The following LGR5 variants were observed in gnomAD, a reference collection of about 807,000 sequenced individuals.
LGR5 encodes the protein leucine rich repeat containing G protein-coupled receptor 5, also known as leucine-rich repeat-containing G protein-coupled receptor 5.
LGR5 carries 54 observed loss-of-function variants against 76.7 expected under a neutral mutation model. The ratio of observed to expected loss-of-function variants is 0.70; its 90% CI spans 0.57 to 0.88. The LOEUF (loss-of-function observed/expected upper bound fraction) is 0.88. Ranked by LOEUF, LGR5 falls within the 40% of genes least tolerant of loss-of-function variation. LGR5 has a pLI of 0.00. For synonymous variants in LGR5, 406 were observed against 421.9 expected, an observed-to-expected ratio of 0.96 and a Z score of 0.46; for missense variants, 1,078 against 1,073.3, an observed-to-expected ratio of 1.00 and a Z score of -0.06.
chr12:71,512,726 G>A (rs1401899341), intron 2 of LGR5, among the ~76,000 whole-genome samples: 1 of 152,004 alleles, frequency 6.6e-6, no homozygotes, highest in East Asian at 1.9e-4. Flanking sequence ...AGCTGGTGAA[G>A]GACAAAAACA....
At chr12:71,520,986 A>G (rs1875701863) in intron 2 of LGR5, among the ~76,000 whole-genome samples, 1 of 152,242 alleles carries the variant, frequency 6.6e-6, no homozygotes, top group Non-Finnish European at 1.5e-5. Flanking sequence ...ATTTTACCAC[A>G]GTAAAAATAT....
intron 6 of LGR5, among the ~76,000 whole-genome samples, chr12:71,558,282 G>A (rs1877877459): frequency 6.6e-6 from 1 of 152,186 alleles, no homozygotes; most frequent in South Asian, 2.1e-4. Context: ...GGGCTTTGAT[G>A]GGTATTTCCA....
intron 3 of LGR5, among the ~76,000 whole-genome samples, chr12:71,534,049 G>A (rs1876460413): frequency 1.3e-5 from 2 of 152,194 alleles, no homozygotes; most frequent in Admixed American, 1.3e-4. Context: ...GAACCAGGCA[G>A]ATTGTTTCTG....
chr12:71,489,910 A>C (rs1873991197), intron 1 of LGR5, among the ~76,000 whole-genome samples: 1 of 152,118 alleles, frequency 6.6e-6, no homozygotes, highest in African/African-American at 2.4e-5. Context: ...AGAAAAAAGA[A>C]GAAGAAGAAG....
rs543642629 is a variant in LGR5, at chr12:71,511,422, C to A, written c.284+6737C>A. The stretch of plus-strand genomic sequence containing the variant: ...CTGGGGGTTAAACTCAGAAAACTGC[C>A]TTTAACAAGCTCTCCAGGTGATTCT... On this transcript the variant is annotated intron_variant, in intron 2 of 17. Coordinates refer to ENST00000266674, the MANE Select transcript of LGR5 (RefSeq NM_003667.4). 3.3e-5 allele frequency among the ~76,000 whole-genome samples: 5 copies of A among 152,314 alleles called. No homozygotes were observed. In the East Asian group the frequency reaches 7.7e-4, roughly 24 times the overall value.
In LGR5 at chr12:71,459,823, T is replaced by TATA. The variant is rs140445983; in HGVS notation, c.212+19537_212+19539dup. Among the ~76,000 whole-genome samples, 464 of 152,036 alleles carry TATA rather than the reference T, an allele frequency of 3.1e-3. 3 individuals are homozygous for TATA. Among genetic ancestry groups the TATA allele is most frequent in the African/African-American group, 0.01 (433 of 41,498 alleles). ...TAGAATAATTATTACTCCTATAAATTATAATAATTTATAATTATTGATATT... is the reference window on the plus strand; with the variant it reads ...TAGAATAATTATTACTCCTATAAATTATAATAATAATTTATAATTATTGATATT... On this transcript the variant is annotated intron_variant, in intron 1 of 17. Coordinates refer to ENST00000266674, the MANE Select transcript of LGR5 (RefSeq NM_003667.4).
At chr12:71,481,086 T>C (rs915123756) in intron 1 of LGR5, among the ~76,000 whole-genome samples, 1 of 152,226 alleles carries the variant, frequency 6.6e-6, no homozygotes, top group African/African-American at 2.4e-5. Flanking sequence ...ACCTTTTTTC[T>C]TTTTCATTTA....
intron 13 of LGR5, 35 bp downstream of exon 13, chr12:71,572,956 G>T: frequency 6.6e-7 from 1 of 1,522,126 alleles, no homozygotes; most frequent in South Asian, 1.1e-5. Context: ...CCCCAGCACA[G>T]AGCATTTTCT....
chr12:71,480,360 CAAAAAAAAAAAA>C (rs59288333), intron 1 of LGR5, among the ~76,000 whole-genome samples: 1 of 80,360 alleles, frequency 1.2e-5, no homozygotes, highest in African/African-American at 4.0e-5. Flanking sequence ...GACTCTGTCT[CAAAAAAAAAAAA>C]AAAAAAAGAG....
intron 16 of LGR5, among the ~76,000 whole-genome samples, chr12:71,581,363 G>A (rs1274558217): frequency 1.3e-5 from 2 of 152,220 alleles, no homozygotes; most frequent in East Asian, 3.9e-4. Flanking sequence ...AACCACACCT[G>A]TGGTAATGAG....
At chr12:71,505,876 A>G (rs1874828521) in intron 2 of LGR5, among the ~76,000 whole-genome samples, 1 of 152,184 alleles carries the variant, frequency 6.6e-6, no homozygotes, top group Non-Finnish European at 1.5e-5. Context: ...TTTTCACTCT[A>G]GGTCCCAGGC....
chr12:71,499,875 G>T (rs1007907806), intron 1 of LGR5, among the ~76,000 whole-genome samples: 2 of 152,052 alleles, frequency 1.3e-5, no homozygotes, highest in Non-Finnish European at 2.9e-5. Flanking sequence ...TTCTCAGGGC[G>T]ACTTTTCTGG....
At chr12:71,582,040 A>C (rs1373755051) in intron 16 of LGR5, among the ~76,000 whole-genome samples, 3 of 152,186 alleles carry the variant, frequency 2.0e-5, no homozygotes, top group Non-Finnish European at 4.4e-5. Flanking sequence ...ACTGTGTCTG[A>C]TTCTCTGGTG....
intron 1 of LGR5, among the ~76,000 whole-genome samples, chr12:71,502,189 T>C (rs1012309352): frequency 1.3e-5 from 2 of 150,874 alleles, no homozygotes; most frequent in African/African-American, 4.9e-5. Flanking sequence ...AGATAGGTAC[T>C]TTCCTTTTTT....
At chr12:71,547,619 A>G (rs1051388833) in intron 4 of LGR5, among the ~76,000 whole-genome samples, 1 of 152,188 alleles carries the variant, frequency 6.6e-6, no homozygotes, top group African/African-American at 2.4e-5. Flanking sequence ...TATACATGTG[A>G]ACATTGACCC....
At chr12:71,486,562 T>G (rs1015109645) in intron 1 of LGR5, among the ~76,000 whole-genome samples, 5 of 152,200 alleles carry the variant, frequency 3.3e-5, no homozygotes, top group African/African-American at 1.2e-4. Flanking sequence ...TTGTTAATAT[T>G]CTTTACATTT....
chr12:71,585,908 C>G lies in LGR5; in HGVS notation c.*1174C>G, dbSNP rs967471656. On this transcript the variant is annotated 3_prime_UTR_variant, in exon 18 of 18. Transcript: ENST00000266674. ...AAGCAAGTTATTAAATAAGAAAAGT[C>G]AAAGTATTAATTCTTACCTTCTATT... 2.0e-5 allele frequency: 3 copies of G among 152,142 alleles called. No individual in the cohort carries two copies. The highest frequency in any genetic ancestry group is 7.2e-5 in the African/African-American group (3 of 41,416). 9.4% of individuals were successfully genotyped at this position (152,142 alleles called of 1,614,324 possible).
chr12:71,540,628 G>A (rs1421627379), intron 4 of LGR5, among the ~76,000 whole-genome samples: 1 of 152,140 alleles, frequency 6.6e-6, no homozygotes, highest in Non-Finnish European at 1.5e-5. Flanking sequence ...AAAAAAGAGA[G>A]AGAAAATAAG....
chr12:71,533,564 C>A (rs1408211947), intron 3 of LGR5, among the ~76,000 whole-genome samples: 1 of 152,128 alleles, frequency 6.6e-6, no homozygotes, highest in Non-Finnish European at 1.5e-5. Flanking sequence ...TTCTGATGAA[C>A]CCTAAAGTTT....
Sources: gnomAD v4.1 joint callset for allele counts (sites outside exome capture counted in the v4.1 genomes callset) on GRCh38, gnomAD v4.1.1 for gene constraint, MANE v1.5 for transcripts, NCBI Gene and HGNC (gene_info 2026-07-23, HGNC 2026-07-21) for gene names.